Variants in GRIN2A observed in about 807,000 individuals in gnomAD.
The protein encoded by GRIN2A is glutamate receptor ionotropic, NMDA 2A.
Under a neutral mutation model 113.4 loss-of-function variants are expected in GRIN2A, and 22 were observed. The observed-to-expected ratio is 0.19, with a 90% CI of 0.14 to 0.28. The LOEUF is 0.28. Among genes scored for constraint, GRIN2A ranks in the 10% least tolerant of loss-of-function variants. GRIN2A has a pLI of 1.00. For missense variants in GRIN2A, 1,502 were observed against 1,887.0 expected (o/e 0.80, Z 3.78); for synonymous variants, 827 against 738.4 (o/e 1.12, Z -1.94).
intron 2 of GRIN2A, among the ~76,000 whole-genome samples, chr16:10,000,628 G>T (rs2046303877): frequency 7.0e-6 from 1 of 143,200 alleles, no homozygotes; most frequent in South Asian, 2.2e-4. Context: ...TGGGTACCTT[G>T]GCCTACCGGA....
intron 5 of GRIN2A, among the ~76,000 whole-genome samples, chr16:9,841,860 C>T (rs996608202): frequency 4.6e-5 from 7 of 152,204 alleles, no homozygotes; most frequent in African/African-American, 1.4e-4. Flanking sequence ...GTATACTCTA[C>T]CAAGGCTACA....
At chr16:9,955,367 C>G (rs1190488042) in intron 2 of GRIN2A, among the ~76,000 whole-genome samples, 3 of 152,154 alleles carry the variant, frequency 2.0e-5, no homozygotes, top group Non-Finnish European at 2.9e-5. Context: ...CTGTCCAACT[C>G]CTATTCTTCC....
chr16:10,001,928 C>T (rs930408747), intron 2 of GRIN2A, among the ~76,000 whole-genome samples: 1 of 152,168 alleles, frequency 6.6e-6, no homozygotes, highest in Non-Finnish European at 1.5e-5. Flanking sequence ...AGGATAACAC[C>T]TACCTTTAAT....
intron 3 of GRIN2A, among the ~76,000 whole-genome samples, chr16:9,923,261 C>G (rs529055887): frequency 7.0e-4 from 107 of 152,174 alleles, no homozygotes; most frequent in African/African-American, 2.5e-3. Flanking sequence ...CTTATTAATA[C>G]AGCCAGTCCA....
At chr16:10,060,439 T>C (rs116432584) in intron 2 of GRIN2A, among the ~76,000 whole-genome samples, 77 of 152,172 alleles carry the variant, frequency 5.1e-4, no homozygotes, top group African/African-American at 1.8e-3. Flanking sequence ...CTACTTAGGG[T>C]TCCTCCGCTA....
Position 9,764,002 on chromosome 16 carries a change from T to A in GRIN2A, c.3542A>T (p.Asn1181Ile), listed in dbSNP as rs2141131185. 6.2e-7 allele frequency: 1 copy of A among 1,614,150 alleles called. No homozygotes were observed. Among genetic ancestry groups the A allele is most frequent in the African/African-American group, 1.3e-5 (1 of 75,038 alleles). ...CTTGGAGTAGAGTTTATACTGGTCG[T>A]TGTTGGAAAGCCCCTCTTCATTATG... ...PLHNEEGLSN[N>I]DQYKLYSKHF... The change falls in exon 13 of 13, where the codon AAC becomes ATC. Residue 1181 changes from asparagine to isoleucine, a missense_variant. Asn to Ile is a moderately radical substitution (Grantham distance 149). This residue lies in a region of GRIN2A where 832 missense variants were observed against 789.7 expected (regional missense o/e 1.05). Coordinates refer to ENST00000330684, the MANE Select transcript of GRIN2A (RefSeq NM_001134407.3).
At chr16:9,859,767 C>T (rs2043031957) in intron 4 of GRIN2A, among the ~76,000 whole-genome samples, 1 of 152,082 alleles carries the variant, frequency 6.6e-6, no homozygotes, top group Non-Finnish European at 1.5e-5. Flanking sequence ...TATTATCTCC[C>T]CCTACTGAAA....
At chr16:9,902,263 C>T (rs2872876) in intron 3 of GRIN2A, among the ~76,000 whole-genome samples, 45,732 of 152,086 alleles carry the variant, frequency 0.3, 8,185 homozygotes, top group African/African-American at 0.5. Flanking sequence ...GTATGATATG[C>T]ATAACTTATA....
intron 2 of GRIN2A, among the ~76,000 whole-genome samples, chr16:10,025,730 G>A (rs889537042): frequency 1.3e-5 from 2 of 152,190 alleles, no homozygotes; most frequent in Non-Finnish European, 2.9e-5. Context: ...CAAGGATACT[G>A]ATGTGAGCCA....
chr16:9,906,154 T>C (rs16966693), intron 3 of GRIN2A, among the ~76,000 whole-genome samples: 1,957 of 152,342 alleles, frequency 0.013, 44 homozygotes, highest in African/African-American at 0.044. Flanking sequence ...ACTTGCCAGA[T>C]GAAATGTTCC....
At position 9,979,623 on chromosome 16, in the gene GRIN2A, A is replaced by G. The variant is rs16966793; in HGVS notation, c.415-41072T>C. On this transcript the variant is annotated intron_variant, in intron 2 of 12. Transcript: ENST00000330684. The stretch of plus-strand genomic sequence containing the variant: ...CTGTAATTAGTTTTTTCACCTGTGT[A>G]TTGATGTCTCCCTATACTAGAATCT... Among the ~76,000 whole-genome samples, 1,162 of 152,072 alleles carry G rather than the reference A, an allele frequency of 7.6e-3. 12 individuals are homozygous for G. The highest frequency in any genetic ancestry group is 0.027 in the African/African-American group (1,102 of 41,486).
chr16:10,002,998 T>C (rs1212922582), intron 2 of GRIN2A, among the ~76,000 whole-genome samples: 2 of 152,212 alleles, frequency 1.3e-5, no homozygotes, highest in Non-Finnish European at 2.9e-5. Context: ...AAGCATTAAC[T>C]AGCAGAAAAA....
At chr16:9,809,184 C>T (rs2042038499) in intron 10 of GRIN2A, among the ~76,000 whole-genome samples, 2 of 152,068 alleles carry the variant, frequency 1.3e-5, no homozygotes, top group South Asian at 4.1e-4. Flanking sequence ...CTTTGGGAGG[C>T]CGAAGTGGGT....
At chr16:9,966,556 G>C (rs1415353379) in intron 2 of GRIN2A, among the ~76,000 whole-genome samples, 1 of 152,156 alleles carries the variant, frequency 6.6e-6, no homozygotes, top group East Asian at 1.9e-4. Flanking sequence ...CCATATGTTT[G>C]CTATTGTGAA....
In GRIN2A at chr16:10,182,003, C is replaced by G. The variant is rs1265127479; in HGVS notation, c.-145G>C. On this transcript the variant is annotated 5_prime_UTR_variant, in exon 1 of 13. Coordinates refer to ENST00000330684, the MANE Select transcript of GRIN2A (RefSeq NM_001134407.3). ...GGCCCCAGCGCGCTCCCCTGGCTGT[C>G]CCGCGCTGTCCGCATCGCCCCCACG... 1 of 152,712 alleles carries G rather than the reference C, an allele frequency of 6.5e-6. No homozygotes were observed. Among genetic ancestry groups the G allele is most frequent in the Non-Finnish European group, 1.5e-5 (1 of 68,160 alleles). 9.5% of individuals were successfully genotyped at this position (152,712 alleles called of 1,614,324 possible).
At chr16:10,108,121 G>T (rs2048532661) in intron 2 of GRIN2A, among the ~76,000 whole-genome samples, 1 of 152,174 alleles carries the variant, frequency 6.6e-6, no homozygotes, top group South Asian at 2.1e-4. Context: ...TCATGCTGCT[G>T]ATAAAGACAT....
rs1305413464 is a variant in GRIN2A at position 10,011,639 on chromosome 16, T to A, written c.415-73088A>T. Among the ~76,000 whole-genome samples, 4 of 152,220 alleles carry A rather than the reference T, an allele frequency of 2.6e-5. No individual in the cohort carries two copies. In the East Asian group the frequency reaches 7.7e-4, roughly 29 times the overall value. On this transcript the variant is annotated intron_variant, in intron 2 of 12. Coordinates refer to ENST00000330684, the MANE Select transcript of GRIN2A (RefSeq NM_001134407.3). ...AGAGGCTCTCCTTATTCATTGCAGATGCACGCTTTTTGCAGAGCACCCTTG... is the reference window on the plus strand; with the variant it reads ...AGAGGCTCTCCTTATTCATTGCAGAAGCACGCTTTTTGCAGAGCACCCTTG...
intron 2 of GRIN2A, chr16:10,121,649 T>A (rs1229845385): frequency 6.6e-6 from 1 of 152,054 alleles, no homozygotes; most frequent in Non-Finnish European, 1.5e-5. Context: ...CAGCCACATA[T>A]CATGAGTTTC....
chr16:10,074,547 C>A lies in GRIN2A; in HGVS notation c.414+105451G>T, dbSNP rs554193936. ...GGCCATTCAATGGAATGTTATACAC[C>A]CATAAAAAGGAATGAAGTACTGATA... On this transcript the variant is annotated intron_variant, in intron 2 of 12. Coordinates refer to ENST00000330684, the MANE Select transcript of GRIN2A (RefSeq NM_001134407.3). 9.2e-5 allele frequency among the ~76,000 whole-genome samples: 14 copies of A among 152,180 alleles called. No homozygotes were observed. In the South Asian group the frequency reaches 2.9e-3, roughly 32 times the overall value.
Sources: allele counts gnomAD v4.1 joint callset (sites outside exome capture counted in the v4.1 genomes callset), GRCh38; gene constraint gnomAD v4.1.1; regional missense constraint gnomAD v4.1.1; transcripts MANE v1.5; gene names NCBI Gene and HGNC (gene_info 2026-07-23, HGNC 2026-07-21).